Variants in RBFOX1 observed in about 807,000 individuals in gnomAD.
RBFOX1 encodes RNA binding protein fox-1 homolog 1.
A neutral mutation model predicts 57.7 loss-of-function variants in RBFOX1; 8 were observed. The observed-to-expected ratio is 0.14, with a 90% CI of 0.08 to 0.25. The LOEUF is 0.25. RBFOX1 is among the 10% of genes least tolerant of loss of function. The pLI is 1.00. For missense variants in RBFOX1, 611 were observed against 548.5 expected, an observed-to-expected ratio of 1.11 and a Z score of -1.14; for synonymous variants, 326 against 222.4, an observed-to-expected ratio of 1.47 and a Z score of -4.15.
In RBFOX1 at chr16:5,956,678, A is replaced by ATATATT. The variant is rs368096576; in HGVS notation, c.351+89344_351+89345insATATTT. On this transcript the variant is annotated intron_variant, in intron 4 of 19. Coordinates refer to the RBFOX1 transcript ENST00000641259. ...TATATTTATATATATATATATATAT[A>ATATATT]TTTTTTTTGAGGCACAGTCTCATCC... 7.0e-3 allele frequency among the ~76,000 whole-genome samples: 820 copies of ATATATT among 116,448 alleles called. 4 individuals are homozygous for ATATATT. Among genetic ancestry groups the ATATATT allele is most frequent in the Middle Eastern group, 0.019 (4 of 216 alleles). The allele number at this position is 116,448 out of a possible 152,430, so 76.4% of individuals were successfully genotyped here.
At chr16:6,806,921 C>T (rs1354960190) in intron 3 of RBFOX1, among the ~76,000 whole-genome samples, 3 of 148,798 alleles carry the variant, frequency 2.0e-5, no homozygotes, top group Non-Finnish European at 4.4e-5. Context: ...GCAAACTCCA[C>T]CTCCTGGGTT....
At chr16:7,260,046 G>A (rs1434286441) in intron 4 of RBFOX1, among the ~76,000 whole-genome samples, 1 of 152,100 alleles carries the variant, frequency 6.6e-6, no homozygotes, top group East Asian at 1.9e-4. Flanking sequence ...AGCTCCATAA[G>A]AACAGAGACT....
chr16:7,495,240 C>A (rs2068237103), intron 4 of RBFOX1, among the ~76,000 whole-genome samples: 1 of 152,294 alleles, frequency 6.6e-6, no homozygotes, highest in Non-Finnish European at 1.5e-5. Flanking sequence ...TAGGCTAATT[C>A]CATGTCTCTG....
At chr16:7,074,926 G>C (rs1438346098) in intron 4 of RBFOX1, among the ~76,000 whole-genome samples, 1 of 152,124 alleles carries the variant, frequency 6.6e-6, no homozygotes, top group Non-Finnish European at 1.5e-5. Context: ...GAAAACTTCT[G>C]GGATTGGAAA....
At chr16:7,206,211 G>T (rs141804634) in intron 4 of RBFOX1, among the ~76,000 whole-genome samples, 15 of 152,220 alleles carry the variant, frequency 9.9e-5, no homozygotes, top group Non-Finnish European at 2.1e-4. Flanking sequence ...GGGAGACCCA[G>T]TAGGTAAAGT....
At chr16:5,984,114 TCTCCTTC>T (rs2060233781) in intron 4 of RBFOX1, among the ~76,000 whole-genome samples, 1 of 8,762 alleles carries the variant, frequency 1.1e-4, no homozygotes, top group Non-Finnish European at 1.8e-4. Context: ...CTCCTCCTCC[TCTCCTTC>T]CCCTCCCCCT....
At chr16:5,798,382 C>T (rs1257952111) in intron 3 of RBFOX1, among the ~76,000 whole-genome samples, 1 of 152,246 alleles carries the variant, frequency 6.6e-6, no homozygotes, top group South Asian at 2.1e-4. Context: ...TCAGAAAAGG[C>T]TTTGTTGAGA....
intron 2 of RBFOX1, among the ~76,000 whole-genome samples, chr16:5,484,397 G>C (rs935696211): frequency 5.9e-5 from 9 of 152,178 alleles, no homozygotes; most frequent in African/African-American, 2.2e-4. Flanking sequence ...GAGTGAGAGA[G>C]GGCACCCAAG....
At chr16:6,844,128 T>TCTG (rs1202979952) in intron 3 of RBFOX1, among the ~76,000 whole-genome samples, 1 of 56,024 alleles carries the variant, frequency 1.8e-5, no homozygotes, top group East Asian at 9.9e-4. Flanking sequence ...TGCATGGCTT[T>TCTG]TCTCTCTCTC....
Position 6,588,056 on chromosome 16 carries a change from C to T in RBFOX1, c.-63-66547C>T, listed in dbSNP as rs975702960. On this transcript the variant is annotated intron_variant, in intron 2 of 15. Coordinates refer to ENST00000550418, the MANE Select transcript of RBFOX1 (RefSeq NM_018723.4). ...ACCAGCCTGGCCAACATGGTGAAAC[C>T]GCTGTCTCTACTAAAAATACAAAAA... Among the ~76,000 whole-genome samples, 15 of 151,514 alleles carry T rather than the reference C, an allele frequency of 9.9e-5. No individual in the cohort carries two copies. In the East Asian group the frequency reaches 1.4e-3, roughly 14 times the overall value.
chr16:5,930,796 ATGTT>A (rs2059037309), intron 4 of RBFOX1, among the ~76,000 whole-genome samples: 2 of 17,474 alleles, frequency 1.1e-4, no homozygotes, highest in African/African-American at 2.3e-4. Flanking sequence ...GAGGGCGGGT[ATGTT>A]GGTGGGTGGG....
chr16:5,971,330 T>A (rs2059958201), intron 4 of RBFOX1, among the ~76,000 whole-genome samples: 1 of 152,224 alleles, frequency 6.6e-6, no homozygotes, highest in Non-Finnish European at 1.5e-5. Context: ...GTGGACGTTA[T>A]CCTCAAGAAG....
intron 3 of RBFOX1, among the ~76,000 whole-genome samples, chr16:6,655,284 G>C (rs1177399122): frequency 1.4e-5 from 2 of 141,558 alleles, no homozygotes; most frequent in African/African-American, 5.2e-5. Context: ...TGAGGCAGGA[G>C]AATCACTTGA....
Position 7,281,990 on chromosome 16 carries a change from G to A in RBFOX1, c.27+229892G>A, listed in dbSNP as rs866347211. On this transcript the variant is annotated intron_variant, in intron 4 of 15. Coordinates refer to ENST00000550418, the MANE Select transcript of RBFOX1 (RefSeq NM_018723.4). Reference sequence around the variant, plus strand: ...CAGCAATCCTCCCACCTCAGCGTCCGGAGTAGCTGGGACCACAGGCGCGTG... The same window carrying A: ...CAGCAATCCTCCCACCTCAGCGTCCAGAGTAGCTGGGACCACAGGCGCGTG... Among the ~76,000 whole-genome samples the A allele has an allele frequency of 3.6e-4, 54 of 151,958 alleles. 1 individual carries two copies. Among genetic ancestry groups the A allele is most frequent in the African/African-American group, 1.3e-3 (53 of 41,374 alleles).
intron 3 of RBFOX1, among the ~76,000 whole-genome samples, chr16:5,766,969 C>G (rs775862991): frequency 6.6e-6 from 1 of 152,158 alleles, no homozygotes; most frequent in Admixed American, 6.5e-5. Flanking sequence ...ATTTAGTTCC[C>G]ATCACCTTAT....
intron 4 of RBFOX1, among the ~76,000 whole-genome samples, chr16:5,923,881 C>G (rs2058887756): frequency 6.6e-6 from 1 of 152,140 alleles, no homozygotes; most frequent in African/African-American, 2.4e-5. Context: ...CCTGTCCTTT[C>G]CCTAATTCTT....
chr16:7,333,422 C>G (rs1251138203), intron 4 of RBFOX1, among the ~76,000 whole-genome samples: 1 of 152,154 alleles, frequency 6.6e-6, no homozygotes, highest in South Asian at 2.1e-4. Flanking sequence ...CAGAGCAGAT[C>G]ATGAGACAAA....
rs79875512 is a variant in RBFOX1 at position 7,171,314 on chromosome 16, A to G, written c.27+119216A>G. On this transcript the variant is annotated intron_variant, in intron 4 of 15. Transcript: ENST00000550418. Reference sequence around the variant, plus strand: ...GATGAGGACTGCAGTGTCATTGTACATCCCAATTTGCTGTGAGGGTTCAGT... The same window carrying G: ...GATGAGGACTGCAGTGTCATTGTACGTCCCAATTTGCTGTGAGGGTTCAGT... Among the ~76,000 whole-genome samples the G allele has an allele frequency of 9.2e-3, 1,398 of 152,284 alleles. 23 individuals carry two copies. The highest frequency in any genetic ancestry group is 0.032 in the African/African-American group (1,315 of 41,544).
chr16:6,097,507 C>T lies in RBFOX1; in HGVS notation c.-127+77515C>T, dbSNP rs1290055531. 6.6e-6 allele frequency among the ~76,000 whole-genome samples: 1 copy of T among 152,198 alleles called. No individual in the cohort carries two copies. Among genetic ancestry groups the T allele is most frequent in the Non-Finnish European group, 1.5e-5 (1 of 68,040 alleles). On this transcript the variant is annotated intron_variant, in intron 1 of 15. Transcript: ENST00000550418. This position sits in a 1 kb window ranked among gnomAD's most constrained non-coding sequence, Gnocchi z 5.0. ...ATCTCTGGTGGCAGGAACCAGCAAT[C>T]TGTGCTTTCAACAAGCTCTCTGAGT...
Sources: allele counts gnomAD v4.1 joint callset (sites outside exome capture counted in the v4.1 genomes callset), GRCh38; gene constraint gnomAD v4.1.1; non-coding constraint Gnocchi (gnomAD v3.1); transcripts MANE v1.5; gene names NCBI Gene and HGNC (gene_info 2026-07-23, HGNC 2026-07-21).